RBL2: variants seen among roughly 807,000 people sequenced by gnomAD.
The protein encoded by RBL2 is RB transcriptional corepressor like 2.
A neutral mutation model predicts 126.0 loss-of-function variants in RBL2; 56 were observed. The ratio of observed to expected loss-of-function variants is 0.44; its 90% confidence interval spans 0.36 to 0.56. The LOEUF (loss-of-function observed/expected upper bound fraction) is 0.56. RBL2 is among the 20% of genes least tolerant of loss of function. The probability of loss-of-function intolerance (pLI) is 0.00; values close to 1 mark genes in which losing one functional copy is unlikely to be tolerated. For missense variants in RBL2, 1,229 were observed against 1,398.2 expected (o/e 0.88, Z 1.93); for synonymous variants, 454 against 478.5 (o/e 0.95, Z 0.67).
chr16:53,449,187 T>A (rs1330316676), intron 4 of RBL2: 1 of 152,216 alleles, frequency 6.6e-6, no homozygotes, highest in Non-Finnish European at 1.5e-5. Flanking sequence ...GGTAATCTTT[T>A]CATATGATTG....
At chr16:53,444,323 C>T (rs761293447) in intron 3 of RBL2, among the ~76,000 whole-genome samples, 2 of 151,448 alleles carry the variant, frequency 1.3e-5, no homozygotes, top group Non-Finnish European at 2.9e-5. Flanking sequence ...GAGGCCAAGG[C>T]GGGTGGATCA....
At chr16:53,486,108 A>G (rs1269063553) in intron 21 of RBL2, among the ~76,000 whole-genome samples, 3 of 145,194 alleles carry the variant, frequency 2.1e-5, no homozygotes, top group Non-Finnish European at 4.5e-5. Flanking sequence ...TGGGCAACAT[A>G]GCAAGACCTT....
chr16:53,440,711 A>C (rs75769919), intron 2 of RBL2, among the ~76,000 whole-genome samples: 2,438 of 151,972 alleles, frequency 0.016, 73 homozygotes, highest in African/African-American at 0.056. Flanking sequence ...GCACCACCAC[A>C]CCTGGCTAAT....
chr16:53,457,926 T>G (rs530159360), intron 8 of RBL2, among the ~76,000 whole-genome samples: 1 of 152,302 alleles, frequency 6.6e-6, no homozygotes, highest in Admixed American at 6.5e-5. Context: ...TTCTCCTGTT[T>G]GTGTACAAGG....
rs2057990458 is a variant in RBL2 at position 53,439,223 on chromosome 16, CTGTT to C, written c.371+79_371+82del. Reference sequence around the variant, plus strand: ...ATCATAGTGATAGTAAGAATTATCTCTGTTTATCATTTTCTGAGCATTTGTACCT... The same window carrying C: ...ATCATAGTGATAGTAAGAATTATCTCTATCATTTTCTGAGCATTTGTACCT... On this transcript the variant is annotated intron_variant, in intron 2 of 21. Coordinates refer to ENST00000262133, the MANE Select transcript of RBL2 (RefSeq NM_005611.4). The C allele has an allele frequency of 3.1e-6, 4 of 1,283,904 alleles. No individual in the cohort carries two copies. In the South Asian group the frequency reaches 6.5e-5, roughly 21 times the overall value. The allele number at this position is 1,283,904 out of a possible 1,614,324, so 79.5% of individuals were successfully genotyped here.
chr16:53,464,354 T>C lies in RBL2; in HGVS notation c.1689T>C (p.His563=). 6.4e-7 allele frequency: 1 copy of C among 1,566,708 alleles called. No homozygotes were observed. The highest frequency in any genetic ancestry group is 1.1e-5 in the South Asian group (1 of 88,184). The change falls in exon 12 of 22, where the codon CAT becomes CAC. Residue 563 remains histidine (H), a synonymous_variant. Coordinates refer to ENST00000262133, the MANE Select transcript of RBL2 (RefSeq NM_005611.4). ...ITEIFDVPLY[H]FYKVIEVFIR... is the part of the protein sequence containing the mutation. ...AAATATTTGATGTGCCTCTTTATCATTTTTATAAGGTATTTTTAAAAATAT... is the reference window on the plus strand; with the variant it reads ...AAATATTTGATGTGCCTCTTTATCACTTTTATAAGGTATTTTTAAAAATAT...
chr16:53,486,986 A>C (rs995678635), intron 21 of RBL2, among the ~76,000 whole-genome samples: 33 of 152,378 alleles, frequency 2.2e-4, no homozygotes, highest in African/African-American at 7.7e-4. Flanking sequence ...AGGTATGATA[A>C]AAACTATGCA....
intron 9 of RBL2, among the ~76,000 whole-genome samples, chr16:53,461,310 T>G (rs1365893524): frequency 6.6e-6 from 1 of 152,166 alleles, no homozygotes; most frequent in Non-Finnish European, 1.5e-5. Flanking sequence ...CTGGCCAACA[T>G]GGTGAAACCC....
intron 2 of RBL2, among the ~76,000 whole-genome samples, chr16:53,440,891 G>A (rs1056788970): frequency 2.0e-5 from 3 of 149,746 alleles, no homozygotes; most frequent in Non-Finnish European, 4.4e-5. Context: ...TTTGAAGTCT[G>A]GTATACCAAG....
At chr16:53,471,523 G>A (rs2058323572) in intron 17 of RBL2, among the ~76,000 whole-genome samples, 1 of 151,642 alleles carries the variant, frequency 6.6e-6, no homozygotes, top group Admixed American at 6.6e-5. Flanking sequence ...AGGCTGGAGT[G>A]CAGTGGTGCA....
intron 4 of RBL2, among the ~76,000 whole-genome samples, chr16:53,450,318 G>T (rs961730633): frequency 1.3e-5 from 2 of 152,152 alleles, no homozygotes; most frequent in African/African-American, 4.8e-5. Flanking sequence ...GGAACAGAGA[G>T]AAAGGGAAAC....
In RBL2 at chr16:53,444,281, C is replaced by T. The variant is rs560930294; in HGVS notation, c.572+1423C>T. Among the ~76,000 whole-genome samples, 16 of 150,568 alleles carry T rather than the reference C, an allele frequency of 1.1e-4. No individual in the cohort carries two copies. The South Asian group carries it at 2.7e-3, about 26-fold the overall frequency. Reference sequence around the variant, plus strand: ...AAGTAAACAAATAAAAGGAGGTATTCTGGCTGAGTGCCTGTAATCCCAGCA... The same window carrying T: ...AAGTAAACAAATAAAAGGAGGTATTTTGGCTGAGTGCCTGTAATCCCAGCA... On this transcript the variant is annotated intron_variant, in intron 3 of 21. Transcript: ENST00000262133.
In RBL2 at chr16:53,460,751, T is replaced by C. The variant is rs921957891; in HGVS notation, c.1347-990T>C. On this transcript the variant is annotated intron_variant, in intron 9 of 21. Coordinates refer to ENST00000262133, the MANE Select transcript of RBL2 (RefSeq NM_005611.4). ...TGCTTGTATATGTATTCAGTAGTTATCTCTAGCAGGACTGTAATTGATTTT... is the reference window on the plus strand; with the variant it reads ...TGCTTGTATATGTATTCAGTAGTTACCTCTAGCAGGACTGTAATTGATTTT... 2.6e-5 allele frequency among the ~76,000 whole-genome samples: 4 copies of C among 152,164 alleles called. No individual in the cohort carries two copies. The South Asian group carries it at 6.2e-4, about 24-fold the overall frequency.
intron 3 of RBL2, 111 bp downstream of exon 3, chr16:53,442,969 TC>T (rs2058030126): frequency 2.3e-6 from 2 of 874,000 alleles, no homozygotes; most frequent in African/African-American, 3.5e-5. Flanking sequence ...ATTTAAAAAA[TC>T]TTTTTCCTCA....
chr16:53,449,751 A>G (rs1159747669), intron 4 of RBL2, among the ~76,000 whole-genome samples: 2 of 152,034 alleles, frequency 1.3e-5, no homozygotes, highest in African/African-American at 4.8e-5. Flanking sequence ...CTAATGACAA[A>G]TAAGCCAACT....
At chr16:53,445,023 T>C (rs2058049052) in intron 3 of RBL2, among the ~76,000 whole-genome samples, 1 of 152,046 alleles carries the variant, frequency 6.6e-6, no homozygotes, top group African/African-American at 2.4e-5. Flanking sequence ...TACTACCTAA[T>C]TCTAATTAAG....
chr16:53,471,957 TTG>T (rs1960539819), intron 17 of RBL2, among the ~76,000 whole-genome samples: 1 of 152,212 alleles, frequency 6.6e-6, no homozygotes, highest in Non-Finnish European at 1.5e-5. Context: ...CAACCAGCAG[TTG>T]GCATTCTGGC....
intron 8 of RBL2, among the ~76,000 whole-genome samples, chr16:53,458,829 A>G (rs2058192438): frequency 6.6e-6 from 1 of 152,170 alleles, no homozygotes; most frequent in South Asian, 2.1e-4. Context: ...CTATCACAAG[A>G]ATAGAACGGG....
At position 53,445,416 on chromosome 16, in the gene RBL2, A is replaced by G. The variant is rs532624383; in HGVS notation, c.573-1626A>G. Among the ~76,000 whole-genome samples, 23 of 152,116 alleles carry G rather than the reference A, an allele frequency of 1.5e-4. No homozygotes were observed. In the South Asian group the frequency reaches 4.2e-3, roughly 27 times the overall value. ...TTTCTGTTAGCTCTTTCTGTTAACTATAGTCATAATGTATAGCACTTACTG... is the reference window on the plus strand; with the variant it reads ...TTTCTGTTAGCTCTTTCTGTTAACTGTAGTCATAATGTATAGCACTTACTG... On this transcript the variant is annotated intron_variant, in intron 3 of 21. Coordinates refer to ENST00000262133, the MANE Select transcript of RBL2 (RefSeq NM_005611.4).
Sources: gnomAD v4.1 joint callset for allele counts (sites outside exome capture counted in the v4.1 genomes callset) on GRCh38, gnomAD v4.1.1 for gene constraint, MANE v1.5 for transcripts, NCBI Gene and HGNC (gene_info 2026-07-23, HGNC 2026-07-21) for gene names.